Variants in SPATA17 observed in about 807,000 individuals in gnomAD.
SPATA17 encodes the protein spermatogenesis associated 17, also known as spermatogenesis-associated protein 17.
Under a neutral mutation model 62.2 loss-of-function variants are expected in SPATA17, and 53 were observed. The observed-to-expected ratio is 0.85, with a 90% CI of 0.68 to 1.07. The LOEUF is 1.07. Among genes scored for constraint, SPATA17 ranks in the 50% least tolerant of loss-of-function variants. The pLI is 0.00. For synonymous variants in SPATA17, 146 were observed against 146.8 expected, an observed-to-expected ratio of 0.99 and a Z score of 0.04; for missense variants, 466 against 425.5, an observed-to-expected ratio of 1.10 and a Z score of -0.84.
intron 5 of SPATA17, among the ~76,000 whole-genome samples, chr1:217,714,074 T>C (rs953989409): frequency 6.6e-6 from 1 of 152,064 alleles, no homozygotes; most frequent in Non-Finnish European, 1.5e-5. Flanking sequence ...AAGGAAGACA[T>C]GATATTGACC....
At chr1:217,678,402 G>T (rs973611718) in intron 4 of SPATA17, among the ~76,000 whole-genome samples, 3 of 151,484 alleles carry the variant, frequency 2.0e-5, no homozygotes, top group African/African-American at 2.4e-5. Flanking sequence ...TTGAGATGGG[G>T]ATTCACCATG....
intron 4 of SPATA17, among the ~76,000 whole-genome samples, chr1:217,673,009 C>G (rs1670865843): frequency 6.6e-6 from 1 of 152,070 alleles, no homozygotes; most frequent in Non-Finnish European, 1.5e-5. Flanking sequence ...CCATTCTTTT[C>G]TAAACAAGGA....
At chr1:217,701,500 C>T (rs1464742791) in intron 5 of SPATA17, among the ~76,000 whole-genome samples, 2 of 152,040 alleles carry the variant, frequency 1.3e-5, no homozygotes, top group East Asian at 3.9e-4. Flanking sequence ...ATTCTCCTGC[C>T]TCAATCTCCC....
chr1:217,635,088 C>T (rs1669907204), intron 1 of SPATA17, among the ~76,000 whole-genome samples: 1 of 152,178 alleles, frequency 6.6e-6, no homozygotes, highest in Non-Finnish European at 1.5e-5. Context: ...TCATTTTCCC[C>T]ATATTCTTAT....
In SPATA17 at chr1:217,828,420, C is replaced by A. The variant is rs1044878752; in HGVS notation, c.1005+26570C>A. ...TGCTATTTTTTACCATACATAAAAA[C>A]CAACTTAAAATGGATCAAAGACCTA... On this transcript the variant is annotated intron_variant, in intron 9 of 10. Transcript: ENST00000366933. Among the ~76,000 whole-genome samples the A allele has an allele frequency of 9.4e-5, 14 of 148,952 alleles. No homozygotes were observed. The Admixed American group carries it at 9.5e-4, about 10-fold the overall frequency.
At chr1:217,799,140 A>T (rs955347700) in intron 8 of SPATA17, among the ~76,000 whole-genome samples, 1 of 152,174 alleles carries the variant, frequency 6.6e-6, no homozygotes, top group African/African-American at 2.4e-5. Context: ...TTATTTAAAG[A>T]TTATAAAATA....
chr1:217,842,612 T>C (rs1675435634), intron 9 of SPATA17, among the ~76,000 whole-genome samples: 1 of 151,974 alleles, frequency 6.6e-6, no homozygotes, highest in Non-Finnish European at 1.5e-5. Context: ...TTTAATTCGA[T>C]AGCATATGCA....
intron 5 of SPATA17, among the ~76,000 whole-genome samples, chr1:217,695,767 G>C (rs1471310584): frequency 2.3e-5 from 2 of 85,482 alleles, no homozygotes; most frequent in Non-Finnish European, 4.7e-5. Flanking sequence ...AGGTGTCAGT[G>C]TGCCCCTGCT....
chr1:217,731,537 T>C (rs1026367693), intron 5 of SPATA17, among the ~76,000 whole-genome samples: 1 of 152,188 alleles, frequency 6.6e-6, no homozygotes, highest in African/African-American at 2.4e-5. Context: ...TTTTCCTAGC[T>C]CTCCTCATAA....
At chr1:217,728,040 T>C (rs1406364467) in intron 5 of SPATA17, among the ~76,000 whole-genome samples, 1 of 152,186 alleles carries the variant, frequency 6.6e-6, no homozygotes, top group Non-Finnish European at 1.5e-5. Flanking sequence ...AAAGTACCTG[T>C]GTTGGAAGGC....
At chr1:217,754,467 T>G (rs1251297468) in intron 6 of SPATA17, among the ~76,000 whole-genome samples, 1 of 152,152 alleles carries the variant, frequency 6.6e-6, no homozygotes, top group Non-Finnish European at 1.5e-5. Flanking sequence ...TTTTGTAGAT[T>G]TAAATTTTTA....
chr1:217,675,542 A>G (rs1030647978), intron 4 of SPATA17, among the ~76,000 whole-genome samples: 16 of 152,174 alleles, frequency 1.1e-4, no homozygotes, highest in Non-Finnish European at 2.1e-4. Flanking sequence ...GAAAAACAAA[A>G]TGGATCTCTG....
At chr1:217,802,050 C>T (rs1035091373) in intron 9 of SPATA17, among the ~76,000 whole-genome samples, 200 bp downstream of exon 9, 3 of 151,240 alleles carry the variant, frequency 2.0e-5, no homozygotes, top group African/African-American at 7.3e-5. Flanking sequence ...AGTTTTATGA[C>T]TTAGCTATAA....
intron 1 of SPATA17, among the ~76,000 whole-genome samples, chr1:217,647,819 G>A (rs1670222063): frequency 6.6e-6 from 1 of 152,048 alleles, no homozygotes; most frequent in Non-Finnish European, 1.5e-5. Flanking sequence ...TGCCTCCCGG[G>A]TTCAAGCGAT....
intron 1 of SPATA17, among the ~76,000 whole-genome samples, chr1:217,639,601 A>C (rs985636261): frequency 1.3e-5 from 2 of 152,190 alleles, no homozygotes; most frequent in African/African-American, 4.8e-5. Flanking sequence ...ATATTTAATT[A>C]AGACAAATTA....
chr1:217,818,851 C>T (rs1188337980), intron 9 of SPATA17, among the ~76,000 whole-genome samples: 1 of 145,360 alleles, frequency 6.9e-6, no homozygotes, highest in Non-Finnish European at 1.5e-5. Context: ...TAACCCTTTT[C>T]TCTCTCACCC....
At chr1:217,733,818 A>G (rs1454714175) in intron 5 of SPATA17, among the ~76,000 whole-genome samples, 4 of 152,208 alleles carry the variant, frequency 2.6e-5, no homozygotes, top group Non-Finnish European at 5.9e-5. Flanking sequence ...AAAATGTTAA[A>G]GTTTCAACTC....
rs183166256 is a variant in SPATA17 at position 217,736,207 on chromosome 1, G to A, written c.396-5768G>A. Among the ~76,000 whole-genome samples the A allele has an allele frequency of 5.3e-5, 8 of 152,196 alleles. No homozygotes were observed. In the East Asian group the frequency reaches 7.7e-4, roughly 15 times the overall value. On this transcript the variant is annotated intron_variant, in intron 5 of 10. Coordinates refer to ENST00000366933, the MANE Select transcript of SPATA17 (RefSeq NM_138796.4). The stretch of plus-strand genomic sequence containing the variant: ...TAATCATTACCTTTCATTTGGGCTC[G>A]GGATTGAGCAGGATTATATACTTGT...
intron 8 of SPATA17, among the ~76,000 whole-genome samples, chr1:217,790,466 A>T (rs965379731): frequency 1.3e-5 from 2 of 151,972 alleles, no homozygotes; most frequent in Non-Finnish European, 2.9e-5. Flanking sequence ...TTTGAGACAG[A>T]GTCTTGCTCT....
Sources: gnomAD v4.1 joint callset for allele counts (sites outside exome capture counted in the v4.1 genomes callset) on GRCh38, gnomAD v4.1.1 for gene constraint, MANE v1.5 for transcripts, NCBI Gene and HGNC (gene_info 2026-07-23, HGNC 2026-07-21) for gene names.